The following TNS3 variants were observed in gnomAD, a reference collection of about 807,000 sequenced individuals.
TNS3 encodes tensin 3.
Under a neutral mutation model 140.9 loss-of-function variants are expected in TNS3, and 45 were observed. The observed-to-expected ratio is 0.32, with a 90% CI of 0.25 to 0.41. The LOEUF (loss-of-function observed/expected upper bound fraction) is 0.41, where lower values mean the gene tolerates loss of function less well. TNS3 is among the 10% of genes least tolerant of loss of function. The pLI is 1.00. For synonymous variants in TNS3, 815 were observed against 788.4 expected, an observed-to-expected ratio of 1.03 and a Z score of -0.56; for missense variants, 1,716 against 1,906.7, an observed-to-expected ratio of 0.90 and a Z score of 1.86.
At position 47,578,674 on chromosome 7, in the gene TNS3, C is replaced by T. The variant is rs116282779; in HGVS notation, c.-265+3377G>A. Among the ~76,000 whole-genome samples the T allele has an allele frequency of 6.5e-3, 983 of 152,340 alleles. 17 individuals carry two copies. The highest frequency in any genetic ancestry group is 0.023 in the African/African-American group (936 of 41,580). On this transcript the variant is annotated intron_variant, in intron 1 of 30. Coordinates refer to ENST00000311160, the MANE Select transcript of TNS3 (RefSeq NM_022748.12). ...ATGGAGACACCCGAGGGACCCTGAGCTCAGCACTACATCCCACATTGCAGT... is the reference window on the plus strand; with the variant it reads ...ATGGAGACACCCGAGGGACCCTGAGTTCAGCACTACATCCCACATTGCAGT...
intron 4 of TNS3, among the ~76,000 whole-genome samples, chr7:47,471,436 A>G (rs2151741911): frequency 6.7e-6 from 1 of 149,438 alleles, no homozygotes; most frequent in African/African-American, 2.5e-5. Context: ...GGAGTCATTC[A>G]GGATGGAATG....
intron 20 of TNS3, among the ~76,000 whole-genome samples, chr7:47,332,385 T>C (rs1461330330): frequency 6.6e-6 from 1 of 152,244 alleles, no homozygotes; most frequent in African/African-American, 2.4e-5. Flanking sequence ...TTCCAAGCCA[T>C]TCCCAGTTCT....
At chr7:47,286,127 TGA>T (rs768277268) in intron 27 of TNS3, among the ~76,000 whole-genome samples, 7 of 152,272 alleles carry the variant, frequency 4.6e-5, no homozygotes, top group Non-Finnish European at 8.8e-5. Context: ...GGGAAAATTT[TGA>T]CCTAACTACT....
intron 30 of TNS3, 102 bp downstream of exon 30, chr7:47,280,062 C>A: frequency 2.2e-6 from 3 of 1,384,552 alleles, no homozygotes; most frequent in South Asian, 2.5e-5. Context: ...ATGGTGTAGT[C>A]ATTTTCTTAT....
intron 16 of TNS3, 115 bp from the exon 17 acceptor site, chr7:47,369,736 T>C: frequency 8.2e-7 from 1 of 1,212,270 alleles, no homozygotes; most frequent in South Asian, 1.7e-5. Flanking sequence ...AAATATGACT[T>C]ACAATAAACA....
At chr7:47,399,273 T>C (rs1223294289) in intron 15 of TNS3, among the ~76,000 whole-genome samples, 1 of 151,994 alleles carries the variant, frequency 6.6e-6, no homozygotes, top group Non-Finnish European at 1.5e-5. Context: ...ACAGATTCAA[T>C]GCAATTCCTA....
intron 20 of TNS3, among the ~76,000 whole-genome samples, chr7:47,311,896 A>G (rs1044848200): frequency 2.6e-5 from 4 of 152,240 alleles, no homozygotes; most frequent in Non-Finnish European, 5.9e-5. Flanking sequence ...CTTCTGAAAA[A>G]TCAAATACAA....
chr7:47,413,513 G>A (rs1370572823), intron 12 of TNS3, among the ~76,000 whole-genome samples: 1 of 151,804 alleles, frequency 6.6e-6, no homozygotes, highest in African/African-American at 2.4e-5. Flanking sequence ...GCCGAGACGG[G>A]TAGATCACTT....
At position 47,506,260 on chromosome 7, in the gene TNS3, C is replaced by T. The variant is rs556252127; in HGVS notation, c.-115+647G>A. ...TCTGAAGGTGCGAGCACCAAGACAA[C>T]GTAGAAAACCATGTGCTTCTTCCTT... On this transcript the variant is annotated intron_variant, in intron 3 of 30. Coordinates refer to ENST00000311160, the MANE Select transcript of TNS3 (RefSeq NM_022748.12). Among the ~76,000 whole-genome samples, 12 of 152,316 alleles carry T rather than the reference C, an allele frequency of 7.9e-5. No individual in the cohort carries two copies. In the South Asian group the frequency reaches 2.3e-3, roughly 29 times the overall value.
chr7:47,375,217 C>A (rs906699150), intron 16 of TNS3, among the ~76,000 whole-genome samples: 1 of 152,140 alleles, frequency 6.6e-6, no homozygotes, highest in African/African-American at 2.4e-5. Context: ...AGGAGGAGAA[C>A]CTTTCCACAT....
chr7:47,297,840 T>G (rs1786140031), intron 23 of TNS3, among the ~76,000 whole-genome samples: 1 of 147,442 alleles, frequency 6.8e-6, no homozygotes. Flanking sequence ...CAGGCTAGAG[T>G]GCAGTGGCAT....
At chr7:47,327,370 G>A (rs531707861) in intron 20 of TNS3, among the ~76,000 whole-genome samples, 11 of 152,238 alleles carry the variant, frequency 7.2e-5, no homozygotes, top group African/African-American at 2.4e-4. Context: ...AGAACCCAGC[G>A]CCTGATCCTA....
intron 23 of TNS3, among the ~76,000 whole-genome samples, chr7:47,299,144 TTA>T (rs954765143): frequency 6.6e-6 from 1 of 152,228 alleles, no homozygotes; most frequent in African/African-American, 2.4e-5. Flanking sequence ...TTTTTAATTT[TTA>T]TTTTTTTGAG....
intron 2 of TNS3, among the ~76,000 whole-genome samples, chr7:47,522,841 T>C (rs1301558333): frequency 1.3e-5 from 2 of 150,500 alleles, no homozygotes. Context: ...GGCGGGAGAA[T>C]GGCGTGAACC....
At chr7:47,564,092 G>A (rs1313245774) in intron 1 of TNS3, among the ~76,000 whole-genome samples, 1 of 151,440 alleles carries the variant, frequency 6.6e-6, no homozygotes, top group Non-Finnish European at 1.5e-5. Context: ...TGCTCAGGAG[G>A]CTGAAGCAGG....
chr7:47,493,602 A>G (rs1646277288), intron 3 of TNS3, among the ~76,000 whole-genome samples: 1 of 151,126 alleles, frequency 6.6e-6, no homozygotes, highest in Non-Finnish European at 1.5e-5. Flanking sequence ...GTGGATCACG[A>G]GGTCAGGAGA....
chr7:47,509,584 A>C (rs1306623429), intron 2 of TNS3, among the ~76,000 whole-genome samples: 1 of 152,106 alleles, frequency 6.6e-6, no homozygotes, highest in Non-Finnish European at 1.5e-5. Flanking sequence ...CTGTGCATCA[A>C]ATTCAGTGTT....
Position 47,465,925 on chromosome 7 carries a change from A to AAAATAAATAAAT in TNS3, c.-76+15166_-76+15177dup, listed in dbSNP as rs373640446. On this transcript the variant is annotated intron_variant, in intron 4 of 30. Coordinates refer to ENST00000311160, the MANE Select transcript of TNS3 (RefSeq NM_022748.12). ...GGCAACAAGAGCGAAACTCCGTCTA[A>AAAATAAATAAAT]AAATAAATAAATAAATAAATAAATA... 3.0e-3 allele frequency among the ~76,000 whole-genome samples: 447 copies of AAAATAAATAAAT among 150,478 alleles called. 3 individuals carry two copies. Among genetic ancestry groups the AAAATAAATAAAT allele is most frequent in the African/African-American group, 9.0e-3 (365 of 40,428 alleles).
intron 20 of TNS3, among the ~76,000 whole-genome samples, chr7:47,315,062 A>T (rs6960170): frequency 0.38 from 57,651 of 152,152 alleles, 11,020 homozygotes; most frequent in South Asian, 0.47. Flanking sequence ...CCACACAGGG[A>T]TGCTGTTTAG....
Sources: gnomAD v4.1 joint callset for allele counts (sites outside exome capture counted in the v4.1 genomes callset) on GRCh38, gnomAD v4.1.1 for gene constraint, MANE v1.5 for transcripts, NCBI Gene and HGNC (gene_info 2026-07-23, HGNC 2026-07-21) for gene names.